Variants in PPM1L observed in about 807,000 individuals in gnomAD.
PPM1L encodes the protein protein phosphatase 1L.
In PPM1L, 13 loss-of-function variants were observed where a neutral mutation model predicts 31.4. The ratio of observed to expected loss-of-function variants is 0.41; its 90% CI spans 0.27 to 0.66. The LOEUF (loss-of-function observed/expected upper bound fraction) is 0.66. Ranked by LOEUF, PPM1L falls within the 30% of genes least tolerant of loss-of-function variation. The pLI is 0.29. For missense variants in PPM1L, 326 were observed against 453.7 expected (o/e 0.72, Z 2.56); for synonymous variants, 184 against 175.4 (o/e 1.05, Z -0.39).
At chr3:160,828,324 C>A (rs1713416260) in intron 1 of PPM1L, among the ~76,000 whole-genome samples, 1 of 152,060 alleles carries the variant, frequency 6.6e-6, no homozygotes, top group South Asian at 2.1e-4. Context: ...GACAGCTGAT[C>A]TAAGAATAGG....
intron 1 of PPM1L, among the ~76,000 whole-genome samples, chr3:160,769,994 A>G (rs533011789): frequency 7.2e-5 from 11 of 152,278 alleles, no homozygotes; most frequent in African/African-American, 2.6e-4. Context: ...AGGATGAAGT[A>G]CTTATCCTTC....
At chr3:160,917,498 A>G (rs1714226070) in intron 1 of PPM1L, among the ~76,000 whole-genome samples, 1 of 152,132 alleles carries the variant, frequency 6.6e-6, no homozygotes, top group African/African-American at 2.4e-5. Flanking sequence ...TAGATATTAT[A>G]TCTCATATCT....
chr3:160,920,116 G>A (rs537899669), intron 1 of PPM1L, among the ~76,000 whole-genome samples: 7 of 152,166 alleles, frequency 4.6e-5, no homozygotes, highest in Admixed American at 3.3e-4. Context: ...TCACTCCTTG[G>A]GGGTGGGGAG....
intron 1 of PPM1L, among the ~76,000 whole-genome samples, chr3:160,894,711 G>A (rs541232305): frequency 1.3e-5 from 2 of 152,194 alleles, no homozygotes; most frequent in Admixed American, 1.3e-4. Flanking sequence ...ATTAGCAATA[G>A]CATCAACAAT....
intron 1 of PPM1L, among the ~76,000 whole-genome samples, chr3:160,944,434 T>C (rs781639142): frequency 1.5e-4 from 23 of 151,642 alleles, no homozygotes; most frequent in Middle Eastern, 3.4e-3. Flanking sequence ...AGCTGCCCTT[T>C]ATAATGTCTG....
intron 1 of PPM1L, among the ~76,000 whole-genome samples, chr3:160,827,610 A>G (rs1713395774): frequency 6.6e-6 from 1 of 152,100 alleles, no homozygotes; most frequent in African/African-American, 2.4e-5. Context: ...GATAGAAAGT[A>G]TAAAAACATG....
intron 2 of PPM1L, among the ~76,000 whole-genome samples, chr3:161,026,743 G>A (rs1375566278): frequency 6.6e-6 from 1 of 152,004 alleles, no homozygotes; most frequent in Non-Finnish European, 1.5e-5. Flanking sequence ...AAGTGTCTTG[G>A]TGTCTTGTGC....
At chr3:161,010,924 A>G (rs922496688) in intron 2 of PPM1L, among the ~76,000 whole-genome samples, 2 of 152,128 alleles carry the variant, frequency 1.3e-5, no homozygotes, top group Non-Finnish European at 2.9e-5. Context: ...TAGCCCTTTG[A>G]CACATGAGTA....
At chr3:160,964,041 T>C (rs1716055962) in intron 2 of PPM1L, among the ~76,000 whole-genome samples, 1 of 152,038 alleles carries the variant, frequency 6.6e-6, no homozygotes, top group Non-Finnish European at 1.5e-5. Flanking sequence ...ATGATAATAA[T>C]AAAATATTAT....
chr3:161,065,972 T>C (rs1013089206), intron 3 of PPM1L, among the ~76,000 whole-genome samples: 3 of 152,238 alleles, frequency 2.0e-5, no homozygotes, highest in Admixed American at 6.5e-5. Context: ...AAAACTCAGT[T>C]TAAGGTGTTC....
chr3:160,935,194 G>A (rs779291395), intron 1 of PPM1L, among the ~76,000 whole-genome samples: 5 of 152,126 alleles, frequency 3.3e-5, no homozygotes, highest in African/African-American at 4.8e-5. Flanking sequence ...ATATGTAGTC[G>A]TCAGGGACTG....
At chr3:160,861,916 T>C (rs971573032) in intron 1 of PPM1L, among the ~76,000 whole-genome samples, 2 of 152,192 alleles carry the variant, frequency 1.3e-5, no homozygotes, top group African/African-American at 4.8e-5. Context: ...CTCTGGCTGA[T>C]ATTCCTGCTT....
At position 161,065,657 on chromosome 3, in the gene PPM1L, T is replaced by A. The variant is rs6763838; in HGVS notation, c.736+93T>A. 3 of 1,238,110 alleles carry A rather than the reference T, an allele frequency of 2.4e-6. No individual in the cohort carries two copies. In the African/African-American group the frequency reaches 4.5e-5, roughly 19 times the overall value. 76.7% of individuals were successfully genotyped at this position (1,238,110 alleles called of 1,614,324 possible). A position where few individuals can be genotyped will look rare whatever the true frequency, so the allele number is the denominator to read the frequency against. On this transcript the variant is annotated intron_variant, in intron 3 of 3. Transcript: ENST00000498165. ...AGCTCCTGGATAAAATGTCCAGTTA[T>A]GCAGTATTAGAGAGGCTGCTACTGA...
intron 1 of PPM1L, among the ~76,000 whole-genome samples, chr3:160,954,944 CTTCCTTCCTTCCTTCCT>C (rs1406291556): frequency 0.012 from 659 of 56,490 alleles, 2 homozygotes; most frequent in African/African-American, 0.04. Context: ...TCCTTCCTTC[CTTCCTTCCTTCCTTCCT>C]TTCCTTTCCT....
At chr3:160,792,467 T>C (rs567926246) in intron 1 of PPM1L, among the ~76,000 whole-genome samples, 40 of 152,168 alleles carry the variant, frequency 2.6e-4, no homozygotes, top group African/African-American at 9.2e-4. Flanking sequence ...TAGTACAGAG[T>C]TCCCATATGC....
intron 1 of PPM1L, among the ~76,000 whole-genome samples, chr3:160,832,415 A>G (rs758921990): frequency 2.0e-5 from 3 of 152,170 alleles, no homozygotes; most frequent in Non-Finnish European, 4.4e-5. Flanking sequence ...AGTGCTTGGT[A>G]TACTCTTGGA....
At chr3:160,954,057 A>G in intron 1 of PPM1L, among the ~76,000 whole-genome samples, 1 of 152,146 alleles carries the variant, frequency 6.6e-6, no homozygotes, top group Admixed American at 6.5e-5. Flanking sequence ...ATTTAAAAGC[A>G]ATTTGTGTTT....
chr3:160,965,285 A>G lies in PPM1L; in HGVS notation c.574+3375A>G, dbSNP rs138387672. The stretch of plus-strand genomic sequence containing the variant: ...AAAAAGAAAATTGCTAGTAGTATCC[A>G]ATATGTGCAGATGTAACCATCCTAC... On this transcript the variant is annotated intron_variant, in intron 2 of 3. Transcript: ENST00000498165. 6.0e-4 allele frequency among the ~76,000 whole-genome samples: 91 copies of G among 152,132 alleles called. 1 individual carries two copies. In the East Asian group the frequency reaches 0.013, roughly 21 times the overall value.
intron 1 of PPM1L, among the ~76,000 whole-genome samples, chr3:160,761,705 C>A (rs1714972811): frequency 6.6e-6 from 1 of 152,188 alleles, no homozygotes; most frequent in African/African-American, 2.4e-5. Flanking sequence ...CTGATAAAGA[C>A]ATACCCAAGG....
Sources: allele counts gnomAD v4.1 joint callset (sites outside exome capture counted in the v4.1 genomes callset), GRCh38; gene constraint gnomAD v4.1.1; transcripts MANE v1.5; gene names NCBI Gene and HGNC (gene_info 2026-07-23, HGNC 2026-07-21).